The following CTNNA3 variants were observed in gnomAD, a reference collection of about 807,000 sequenced individuals.
The protein encoded by CTNNA3 is catenin alpha-3.
CTNNA3 carries 76 observed loss-of-function variants against 95.7 expected under a neutral mutation model. That is an observed-to-expected ratio of 0.79 (90% confidence interval 0.66 to 0.96). CTNNA3 has a LOEUF of 0.96. CTNNA3 is among the 40% of genes least tolerant of loss of function. CTNNA3 has a pLI of 0.00. For missense variants in CTNNA3, 1,191 were observed against 1,089.8 expected (o/e 1.09, Z -1.31); for synonymous variants, 431 against 374.4 (o/e 1.15, Z -1.74).
chr10:66,596,840 T>C (rs1208361645), intron 10 of CTNNA3, among the ~76,000 whole-genome samples: 2 of 151,826 alleles, frequency 1.3e-5, no homozygotes, highest in South Asian at 2.1e-4. Flanking sequence ...CCCAAGGAAA[T>C]AGACATCTAA....
chr10:66,347,852 A>G lies in CTNNA3; in HGVS notation c.1732+31300T>C, dbSNP rs151056433. Among the ~76,000 whole-genome samples, 7 of 152,180 alleles carry G rather than the reference A, an allele frequency of 4.6e-5. No individual in the cohort carries two copies. In the East Asian group the frequency reaches 1.4e-3, roughly 29 times the overall value. On this transcript the variant is annotated intron_variant, in intron 12 of 17. Transcript: ENST00000433211. ...GATAGAATGAGACTACCCATCATGT[A>G]TACTGTCACATGCTCAGGACGAGAT...
intron 14 of CTNNA3, among the ~76,000 whole-genome samples, chr10:66,079,475 T>C (rs1374844297): frequency 6.6e-6 from 1 of 151,988 alleles, no homozygotes; most frequent in Non-Finnish European, 1.5e-5. Flanking sequence ...ATATGTATTT[T>C]CTTTTAATCA....
intron 11 of CTNNA3, among the ~76,000 whole-genome samples, chr10:66,508,208 C>T (rs750465011): frequency 1.7e-3 from 148 of 87,184 alleles, no homozygotes; most frequent in African/African-American, 2.0e-3. Flanking sequence ...GTTTTGTTTT[C>T]TGTTTTTTTT....
At chr10:66,834,458 CAG>C (rs957435031) in intron 7 of CTNNA3, among the ~76,000 whole-genome samples, 1 of 152,166 alleles carries the variant, frequency 6.6e-6, no homozygotes, top group African/African-American at 2.4e-5. Context: ...ATGAAATAAA[CAG>C]TACAGATGCC....
At chr10:66,379,429 T>C in intron 11 of CTNNA3, 77 bp from the exon 12 acceptor site, 3 of 1,182,216 alleles carry the variant, frequency 2.5e-6, no homozygotes, top group Admixed American at 1.9e-5. Context: ...ATTATAATTA[T>C]GTTAACTTCT....
chr10:66,790,969 G>A (rs770940114), intron 7 of CTNNA3, among the ~76,000 whole-genome samples: 21 of 151,824 alleles, frequency 1.4e-4, no homozygotes, highest in Admixed American at 1.0e-3. Context: ...CTTTACCATC[G>A]CCATTACCTC....
At chr10:66,289,165 G>C (rs1237098292) in intron 12 of CTNNA3, among the ~76,000 whole-genome samples, 1 of 151,648 alleles carries the variant, frequency 6.6e-6, no homozygotes, top group African/African-American at 2.4e-5. Context: ...TAATTTTAAG[G>C]AGTTGTAATA....
chr10:66,109,552 T>C (rs2082039246), intron 13 of CTNNA3, among the ~76,000 whole-genome samples: 1 of 152,188 alleles, frequency 6.6e-6, no homozygotes, highest in Non-Finnish European at 1.5e-5. Context: ...TCAAGAATTT[T>C]GGCTCACTTG....
chr10:67,648,233 C>G (rs1839776866), intron 1 of CTNNA3, among the ~76,000 whole-genome samples: 1 of 152,124 alleles, frequency 6.6e-6, no homozygotes, highest in Admixed American at 6.5e-5. Context: ...TAACAATATA[C>G]ATTTATACCA....
intron 7 of CTNNA3, among the ~76,000 whole-genome samples, chr10:66,959,038 C>T (rs1213021484): frequency 1.3e-5 from 2 of 152,082 alleles, no homozygotes; most frequent in Non-Finnish European, 2.9e-5. Context: ...TTATACACAT[C>T]CCCATTGCAC....
In CTNNA3 at chr10:66,241,622, A is replaced by G. The variant is rs148265069; in HGVS notation, c.1884+38848T>C. ...GACTGTGGCCAGAAAAGAACAATTA[A>G]ACATCCCCCCACCCCCAGCCCCCCC... On this transcript the variant is annotated intron_variant, in intron 13 of 17. Transcript: ENST00000433211. Among the ~76,000 whole-genome samples the G allele has an allele frequency of 5.0e-3, 754 of 151,854 alleles. 11 individuals are homozygous for G. The highest frequency in any genetic ancestry group is 0.018 in the African/African-American group (727 of 41,374).
At chr10:66,967,345 T>G (rs1006818795) in intron 7 of CTNNA3, among the ~76,000 whole-genome samples, 2 of 88,550 alleles carry the variant, frequency 2.3e-5, no homozygotes, top group South Asian at 4.4e-4. Context: ...TATATATATA[T>G]AGATAGATAG....
At chr10:65,964,076 A>G (rs1418973825) in intron 17 of CTNNA3, among the ~76,000 whole-genome samples, 1 of 152,190 alleles carries the variant, frequency 6.6e-6, no homozygotes, top group Non-Finnish European at 1.5e-5. Flanking sequence ...AGTTTTGAAT[A>G]CCAAATTTCT....
rs917712135 is a variant in CTNNA3, at chr10:67,391,124, T to A, written c.579+130718A>T. Among the ~76,000 whole-genome samples, 9 of 151,866 alleles carry A rather than the reference T, an allele frequency of 5.9e-5. No individual in the cohort carries two copies. The South Asian group carries it at 6.2e-4, about 10-fold the overall frequency. On this transcript the variant is annotated intron_variant, in intron 5 of 17. Transcript: ENST00000433211. Reference sequence around the variant, plus strand: ...AAAGAGGAAGTCAAATTGTCCCTGTTTGCAGACGACATGATTGTATATCTA... The same window carrying A: ...AAAGAGGAAGTCAAATTGTCCCTGTATGCAGACGACATGATTGTATATCTA...
At chr10:66,653,581 T>C (rs191077130) in intron 9 of CTNNA3, among the ~76,000 whole-genome samples, 1 of 152,212 alleles carries the variant, frequency 6.6e-6, no homozygotes, top group East Asian at 1.9e-4. Context: ...AATGTCACTT[T>C]TCATAGCAAT....
intron 5 of CTNNA3, among the ~76,000 whole-genome samples, chr10:67,359,786 T>C (rs1842933650): frequency 1.3e-5 from 2 of 152,126 alleles, no homozygotes; most frequent in Admixed American, 1.3e-4. Context: ...TTTGAGTACC[T>C]AGTCCAGGAA....
chr10:66,520,888 C>T, intron 10 of CTNNA3, 115 bp from the exon 11 acceptor site: 1 of 466,504 alleles, frequency 2.1e-6, no homozygotes, highest in Non-Finnish European at 3.7e-6. Flanking sequence ...TGTAAGAAAT[C>T]TGCACTTATA....
chr10:67,759,135 T>C (rs1263246399), intron 1 of CTNNA3, among the ~76,000 whole-genome samples: 2 of 152,220 alleles, frequency 1.3e-5, no homozygotes, highest in African/African-American at 4.8e-5. Flanking sequence ...GTACGGTCAT[T>C]TGCAATGCAG....
intron 1 of CTNNA3, among the ~76,000 whole-genome samples, chr10:67,681,138 A>C (rs775758478): frequency 1.3e-5 from 2 of 152,248 alleles, no homozygotes; most frequent in African/African-American, 2.4e-5. Context: ...TCTCCCTGTT[A>C]AATGTCCACA....
Sources: gnomAD v4.1 joint callset for allele counts (sites outside exome capture counted in the v4.1 genomes callset) on GRCh38, gnomAD v4.1.1 for gene constraint, MANE v1.5 for transcripts, NCBI Gene and HGNC (gene_info 2026-07-23, HGNC 2026-07-21) for gene names.